The following PARK7 variants were observed in gnomAD, a reference collection of about 807,000 sequenced individuals.
The protein encoded by PARK7 is Parkinsonism associated deglycase.
A neutral mutation model predicts 20.5 loss-of-function variants in PARK7; 14 were observed. The observed-to-expected ratio is 0.68, with a 90% CI of 0.45 to 1.07. The LOEUF is 1.07. Among genes scored for constraint, PARK7 ranks in the 50% least tolerant of loss-of-function variants. PARK7 has a pLI of 0.00. For synonymous variants in PARK7, 98 were observed against 84.3 expected, an observed-to-expected ratio of 1.16 and a Z score of -0.89; for missense variants, 234 against 238.1, an observed-to-expected ratio of 0.98 and a Z score of 0.11.
Position 7,984,740 on chromosome 1 carries a change from G to T in PARK7, c.410-154G>T. ...AGTTTTAAAAATACCTTTGTAGGGG[G>T]CTTCTAAGAGCTTGGAGTGCCTAGT... On this transcript the variant is annotated intron_variant, in intron 6 of 6. Coordinates refer to ENST00000338639, the MANE Select transcript of PARK7 (RefSeq NM_007262.5). This position sits in a 1 kb window ranked among gnomAD's most constrained non-coding sequence, Gnocchi z 4.3. 4.8e-6 allele frequency: 4 copies of T among 836,222 alleles called. No homozygotes were observed. The allele number at this position is 836,222 out of a possible 1,614,324, so 51.8% of individuals were successfully genotyped here.
chr1:7,976,877 C>T (rs1052049402), intron 5 of PARK7, among the ~76,000 whole-genome samples: 2 of 152,114 alleles, frequency 1.3e-5, no homozygotes, highest in Non-Finnish European at 2.9e-5. Flanking sequence ...CCCGCCACCA[C>T]GCACAGCTAA....
intron 2 of PARK7, among the ~76,000 whole-genome samples, chr1:7,963,670 C>T (rs561441239): frequency 6.5e-4 from 99 of 151,942 alleles, no homozygotes; most frequent in Non-Finnish European, 1.1e-3. Flanking sequence ...CCACCATGCC[C>T]GGCCCCTCAG....
chr1:7,977,210 G>C (rs1405845512), intron 5 of PARK7, among the ~76,000 whole-genome samples: 2 of 152,154 alleles, frequency 1.3e-5, no homozygotes, highest in East Asian at 3.8e-4. Flanking sequence ...CTGTTCTGGG[G>C]ATGGGGAAGG....
intron 6 of PARK7, among the ~76,000 whole-genome samples, chr1:7,982,175 C>T (rs1478473701): frequency 4.1e-5 from 6 of 146,202 alleles, no homozygotes; most frequent in Non-Finnish European, 6.0e-5. Context: ...TTAGTAGAGG[C>T]GGGGTTTCAC....
intron 6 of PARK7, among the ~76,000 whole-genome samples, chr1:7,979,431 G>A (rs1640664586): frequency 6.6e-6 from 1 of 152,098 alleles, no homozygotes; most frequent in Non-Finnish European, 1.5e-5. Context: ...GTTCTCTCTT[G>A]CTGTTGTACA....
At chr1:7,967,396 C>G (rs1640352234) in intron 3 of PARK7, among the ~76,000 whole-genome samples, 1 of 152,122 alleles carries the variant, frequency 6.6e-6, no homozygotes, top group Non-Finnish European at 1.5e-5. Flanking sequence ...GGTGTCTCTT[C>G]AGTATACTGA....
intron 2 of PARK7, 59 bp from the exon 3 acceptor site, chr1:7,965,265 C>T: frequency 6.8e-7 from 1 of 1,460,558 alleles, no homozygotes; most frequent in East Asian, 2.3e-5. Flanking sequence ...TTTTTAAAGA[C>T]AGTGTTACTC....
At chr1:7,972,423 G>T (rs560172588) in intron 5 of PARK7, among the ~76,000 whole-genome samples, 64 of 152,180 alleles carry the variant, frequency 4.2e-4, no homozygotes, top group Middle Eastern at 3.4e-3. Context: ...AGCTATGATT[G>T]CACTCCAGCC....
intron 5 of PARK7, among the ~76,000 whole-genome samples, chr1:7,972,478 G>T (rs866853182): frequency 6.6e-6 from 1 of 151,890 alleles, no homozygotes; most frequent in Admixed American, 6.6e-5. Flanking sequence ...AATGTTATTC[G>T]CCTTTTTTCT....
chr1:7,978,391 GGT>G (rs1491167927), intron 6 of PARK7, among the ~76,000 whole-genome samples: 3 of 85,342 alleles, frequency 3.5e-5, no homozygotes, highest in Non-Finnish European at 6.4e-5. Flanking sequence ...GCCTGTGTGT[GGT>G]TTTTTTTTTT....
intron 3 of PARK7, 125 bp from the exon 4 acceptor site, chr1:7,969,220 T>C: frequency 1.4e-6 from 1 of 734,540 alleles, no homozygotes. Context: ...TTAACTGTTC[T>C]ATTGGCAGAT....
intron 4 of PARK7, among the ~76,000 whole-genome samples, chr1:7,969,865 A>C (rs1447709514): frequency 6.6e-6 from 1 of 152,000 alleles, no homozygotes. Flanking sequence ...GGCGTGAGCC[A>C]CCACTCCCGA....
At chr1:7,964,446 A>G (rs1181690529) in intron 2 of PARK7, among the ~76,000 whole-genome samples, 2 of 152,206 alleles carry the variant, frequency 1.3e-5, no homozygotes, top group Non-Finnish European at 2.9e-5. Context: ...ATACATGTCG[A>G]TTAAGTTTAT....
chr1:7,981,011 A>G (rs924273838), intron 6 of PARK7, among the ~76,000 whole-genome samples: 4 of 152,132 alleles, frequency 2.6e-5, no homozygotes, highest in Non-Finnish European at 4.4e-5. Flanking sequence ...TCCAGTCCCC[A>G]TAATCTTTTA....
chr1:7,977,560 C>G, intron 5 of PARK7, 92 bp from the exon 6 acceptor site: 1 of 1,130,342 alleles, frequency 8.8e-7, no homozygotes, highest in African/African-American at 1.5e-5. Flanking sequence ...GCTGGGATTA[C>G]AGGCATGAGC....
intron 5 of PARK7, among the ~76,000 whole-genome samples, chr1:7,974,920 A>G (rs1640546233): frequency 1.3e-5 from 2 of 150,676 alleles, no homozygotes; most frequent in African/African-American, 2.4e-5. Flanking sequence ...CAGTGGTGCA[A>G]TTTCGGCTCA....
rs3766606 is a variant in PARK7 at position 7,962,137 on chromosome 1, G to T, written c.-24+344G>T. The T allele has an allele frequency of 0.21, 32,119 of 152,658 alleles. 4,027 individuals carry two copies. The highest frequency in any genetic ancestry group is 0.34 in the African/African-American group (14,090 of 41,446). 9.5% of individuals were successfully genotyped at this position (152,658 alleles called of 1,614,324 possible). A position where few individuals can be genotyped will look rare whatever the true frequency, so the allele number is the denominator to read the frequency against. On this transcript the variant is annotated intron_variant, in intron 1 of 6. Coordinates refer to ENST00000338639, the MANE Select transcript of PARK7 (RefSeq NM_007262.5). Reference sequence around the variant, plus strand: ...TAAAAAAAATTCGGAACCTCGTTGAGCTGCTGTCGTTGGCAGTGAGAACTC... The same window carrying T: ...TAAAAAAAATTCGGAACCTCGTTGATCTGCTGTCGTTGGCAGTGAGAACTC...
At chr1:7,963,838 A>C (rs1640266338) in intron 2 of PARK7, among the ~76,000 whole-genome samples, 1 of 145,428 alleles carries the variant, frequency 6.9e-6, no homozygotes, top group Non-Finnish European at 1.5e-5. Context: ...TTTTTTTAAG[A>C]CAGAGTCTTG....
rs758945306 is a variant in PARK7, at chr1:7,970,899, T to A, written c.258T>A (p.Ala86=). The change falls in exon 5 of 7, where the codon GCT becomes GCA. Residue 86 remains alanine, a synonymous_variant. Coordinates refer to ENST00000338639, the MANE Select transcript of PARK7 (RefSeq NM_007262.5). ...NLGAQNLSES[A]AVKEILKEQE... is the part of the protein sequence containing the mutation. ...TTTGGTTTTCTTTTCACTAGTCTGC[T>A]GCTGTGAAGGAGATACTGAAGGAGC... The A allele has an allele frequency of 6.2e-7, 1 of 1,614,216 alleles. No individual in the cohort carries two copies. The highest frequency in any genetic ancestry group is 2.2e-5 in the East Asian group (1 of 44,888).
Sources: gnomAD v4.1 joint callset for allele counts (sites outside exome capture counted in the v4.1 genomes callset) on GRCh38, gnomAD v4.1.1 for gene constraint, Gnocchi (gnomAD v3.1) non-coding constraint, MANE v1.5 for transcripts, NCBI Gene and HGNC (gene_info 2026-07-23, HGNC 2026-07-21) for gene names.